Variants in PTPRN2 observed in about 807,000 individuals in gnomAD.
PTPRN2 encodes protein tyrosine phosphatase receptor type N2.
PTPRN2 carries 74 observed loss-of-function variants against 118.8 expected under a neutral mutation model. The observed-to-expected ratio is 0.62, with a 90% CI of 0.52 to 0.76. The LOEUF (loss-of-function observed/expected upper bound fraction) is 0.76, where lower values mean the gene tolerates loss of function less well. Ranked by LOEUF, PTPRN2 falls within the 30% of genes least tolerant of loss-of-function variation. PTPRN2 has a pLI of 0.00. For missense variants in PTPRN2, 1,481 were observed against 1,394.4 expected (o/e 1.06, Z -0.99); for synonymous variants, 641 against 608.0 (o/e 1.05, Z -0.80).
chr7:158,196,181 T>C (rs914293344), intron 4 of PTPRN2, among the ~76,000 whole-genome samples: 1 of 152,220 alleles, frequency 6.6e-6, no homozygotes, highest in East Asian at 1.9e-4. Context: ...TTTTCCCTCA[T>C]AGACACAAGG....
intron 11 of PTPRN2, among the ~76,000 whole-genome samples, chr7:157,920,530 A>C (rs923601247): frequency 1.3e-5 from 2 of 152,220 alleles, no homozygotes; most frequent in African/African-American, 4.8e-5. Context: ...ATGAAGTTCT[A>C]GCCAGCGAGG....
chr7:158,027,824 A>G (rs1375665749), intron 11 of PTPRN2: 4 of 152,190 alleles, frequency 2.6e-5, no homozygotes, highest in African/African-American at 9.7e-5. Flanking sequence ...ATTTTCAAAG[A>G]GGAAATGGGC....
intron 1 of PTPRN2, among the ~76,000 whole-genome samples, chr7:158,499,203 A>C (rs1276075024): frequency 6.6e-6 from 1 of 152,114 alleles, no homozygotes; most frequent in African/African-American, 2.4e-5. Flanking sequence ...AGCCTCTCCC[A>C]CACTTTGATG....
intron 11 of PTPRN2, among the ~76,000 whole-genome samples, chr7:157,998,405 G>A (rs1804950760): frequency 6.6e-6 from 1 of 152,222 alleles, no homozygotes; most frequent in African/African-American, 2.4e-5. Context: ...GCTGAGGACA[G>A]CAGACCACCT....
At chr7:157,841,992 A>G (rs1047302770) in intron 12 of PTPRN2, among the ~76,000 whole-genome samples, 1 of 152,144 alleles carries the variant, frequency 6.6e-6, no homozygotes, top group Non-Finnish European at 1.5e-5. Flanking sequence ...AAGGATCAAC[A>G]TCAAAATTGG....
rs1164206315 is a variant in PTPRN2 at position 157,609,147 on chromosome 7, C to T, written c.2345-5072G>A. Among the ~76,000 whole-genome samples, 1 of 152,196 alleles carries T rather than the reference C, an allele frequency of 6.6e-6. No homozygotes were observed. The highest frequency in any genetic ancestry group is 1.9e-4 in the East Asian group (1 of 5,194). ...CCTATAATCCCAGTACTTTGGGAGG[C>T]TGAGGTGGGTGGATCACCTGAGGTC... On this transcript the variant is annotated intron_variant, in intron 15 of 22. Coordinates refer to ENST00000389418, the MANE Select transcript of PTPRN2 (RefSeq NM_002847.5). The surrounding 1 kb of genome is among the most constrained non-coding windows in gnomAD (Gnocchi z 4.9).
chr7:158,136,700 A>G lies in PTPRN2; in HGVS notation c.1133-5T>C. The G allele has an allele frequency of 6.2e-7, 1 of 1,613,664 alleles. No individual in the cohort carries two copies. Among genetic ancestry groups the G allele is most frequent in the Non-Finnish European group, 8.5e-7 (1 of 1,179,620 alleles). On this transcript the variant is annotated splice_polypyrimidine_tract_variant and splice_region_variant and intron_variant, in intron 7 of 22. Transcript: ENST00000389418. ...CGTCGTCCTGCACTCCGTCATCTGT[A>G]AAAGACACCAGTGTTACCAAGACCC... is the stretch of plus-strand genomic sequence containing the variant.
intron 2 of PTPRN2, among the ~76,000 whole-genome samples, chr7:158,320,542 G>C (rs576963789): frequency 1.6e-5 from 1 of 62,238 alleles, no homozygotes; most frequent in Admixed American, 1.8e-4. Flanking sequence ...CCGTGTTCCC[G>C]CGTCCTCGGC....
intron 14 of PTPRN2, 62 bp from the exon 15 acceptor site, chr7:157,621,571 C>A (rs1199938550): frequency 6.3e-7 from 1 of 1,591,726 alleles, no homozygotes; most frequent in African/African-American, 1.3e-5. Context: ...GGCAGATGCA[C>A]AAAAGGCAGC....
At chr7:157,544,110 T>C (rs1433634411) in intron 22 of PTPRN2, among the ~76,000 whole-genome samples, 8 of 104,396 alleles carry the variant, frequency 7.7e-5, no homozygotes, top group South Asian at 6.3e-4. Flanking sequence ...CGGAGAGAGG[T>C]GGAGAGAGAT....
rs541828679 is a variant in PTPRN2, at chr7:158,182,482, AC to A, written c.549+9844del. Reference sequence around the variant, plus strand: ...CTAATTTCCCTCCACTCTCCCCCCAACCCTCAGCAGGCCCTGGTGTGTGTTG... The same window carrying A: ...CTAATTTCCCTCCACTCTCCCCCCAACCTCAGCAGGCCCTGGTGTGTGTTG... On this transcript the variant is annotated intron_variant, in intron 5 of 22. Coordinates refer to ENST00000389418, the MANE Select transcript of PTPRN2 (RefSeq NM_002847.5). Among the ~76,000 whole-genome samples the A allele has an allele frequency of 2.1e-3, 319 of 151,762 alleles. 4 individuals carry two copies. In the Middle Eastern group the frequency reaches 0.037, roughly 18 times the overall value.
intron 12 of PTPRN2, among the ~76,000 whole-genome samples, chr7:157,691,535 C>G (rs1379768872): frequency 6.6e-6 from 1 of 152,172 alleles, no homozygotes; most frequent in African/African-American, 2.4e-5. Flanking sequence ...GGTCCCGATG[C>G]GCGTAGAAAG....
At chr7:158,407,690 G>T (rs28726338) in intron 2 of PTPRN2, among the ~76,000 whole-genome samples, 4 of 99,386 alleles carry the variant, frequency 4.0e-5, no homozygotes, top group African/African-American at 6.9e-5. Context: ...CTGGGTCCTG[G>T]GTCCTGCGTC....
intron 12 of PTPRN2, among the ~76,000 whole-genome samples, chr7:157,827,473 G>T (rs951441375): frequency 6.6e-6 from 1 of 152,172 alleles, no homozygotes; most frequent in Admixed American, 6.5e-5. Context: ...ACTGTCTGGG[G>T]GCCTGAGAAA....
chr7:157,844,863 G>C (rs1290889948), intron 12 of PTPRN2, among the ~76,000 whole-genome samples: 3 of 152,222 alleles, frequency 2.0e-5, no homozygotes, highest in Non-Finnish European at 2.9e-5. Flanking sequence ...AGTCCTGTGA[G>C]CCTCCGGGTG....
chr7:158,220,898 T>C lies in PTPRN2; in HGVS notation c.278-15625A>G, dbSNP rs140466647. Reference sequence around the variant, plus strand: ...TATGGATCCAAAAAAAAAAAAAGGCTGAATAGCCAAAGCAACCCTAAGCAA... The same window carrying C: ...TATGGATCCAAAAAAAAAAAAAGGCCGAATAGCCAAAGCAACCCTAAGCAA... On this transcript the variant is annotated intron_variant, in intron 3 of 22. Coordinates refer to ENST00000389418, the MANE Select transcript of PTPRN2 (RefSeq NM_002847.5). Among the ~76,000 whole-genome samples the C allele has an allele frequency of 4.3e-3, 624 of 143,700 alleles. 2 individuals carry two copies. Among genetic ancestry groups the C allele is most frequent in the African/African-American group, 0.015 (595 of 39,492 alleles). The allele number at this position is 143,700 out of a possible 152,430, so 94.3% of individuals were successfully genotyped here.
chr7:157,614,248 T>G (rs1440346834), intron 15 of PTPRN2: 1 of 407,306 alleles, frequency 2.5e-6, no homozygotes, highest in Non-Finnish European at 5.1e-6. Flanking sequence ...GCTGGTCATG[T>G]TCCTACAGCA....
chr7:158,472,050 C>T (rs745487474), intron 2 of PTPRN2, among the ~76,000 whole-genome samples: 3 of 152,246 alleles, frequency 2.0e-5, no homozygotes, highest in Admixed American at 6.5e-5. Context: ...ATTCCCACCA[C>T]GGTTCCTGCA....
intron 2 of PTPRN2, among the ~76,000 whole-genome samples, chr7:158,343,520 T>G (rs1048800640): frequency 1.3e-5 from 2 of 152,190 alleles, no homozygotes; most frequent in Admixed American, 1.3e-4. Flanking sequence ...AATGTGGAAG[T>G]AGCAGATGAT....
Sources: allele counts gnomAD v4.1 joint callset (sites outside exome capture counted in the v4.1 genomes callset), GRCh38; gene constraint gnomAD v4.1.1; non-coding constraint Gnocchi (gnomAD v3.1); transcripts MANE v1.5; gene names NCBI Gene and HGNC (gene_info 2026-07-23, HGNC 2026-07-21).